RC3H1: variants seen among roughly 807,000 people sequenced by gnomAD.
RC3H1 encodes the protein ring finger and CCCH-type domains 1, also known as roquin-1.
RC3H1 carries 50 observed loss-of-function variants against 138.2 expected under a neutral mutation model. The ratio of observed to expected loss-of-function variants is 0.36; its 90% CI spans 0.29 to 0.46. RC3H1 has a LOEUF of 0.46. Ranked by LOEUF, RC3H1 falls within the 20% of genes least tolerant of loss-of-function variation. The pLI is 1.00. For missense variants in RC3H1, 1,031 were observed against 1,388.1 expected (o/e 0.74, Z 4.09); for synonymous variants, 462 against 489.1 (o/e 0.94, Z 0.73).
intron 13 of RC3H1, among the ~76,000 whole-genome samples, chr1:173,958,640 T>C (rs1050965574): frequency 3.3e-5 from 5 of 151,532 alleles, no homozygotes; most frequent in Admixed American, 6.6e-5. Flanking sequence ...AATATAGAAA[T>C]AGAAAAACGA....
At chr1:173,977,152 C>T (rs895278825) in intron 7 of RC3H1, among the ~76,000 whole-genome samples, 2 of 152,030 alleles carry the variant, frequency 1.3e-5, no homozygotes, top group African/African-American at 4.8e-5. Context: ...TCTCGATCTC[C>T]TGACCTCGTG....
intron 10 of RC3H1, among the ~76,000 whole-genome samples, chr1:173,964,436 C>T (rs1413965893): frequency 6.6e-6 from 1 of 151,982 alleles, no homozygotes; most frequent in African/African-American, 2.4e-5. Flanking sequence ...GGTGCAATCT[C>T]GGCTTACTGC....
intron 13 of RC3H1, among the ~76,000 whole-genome samples, chr1:173,956,451 G>A (rs1659651086): frequency 6.6e-6 from 1 of 151,908 alleles, no homozygotes; most frequent in Non-Finnish European, 1.5e-5. Flanking sequence ...CCTGAGGTCG[G>A]GAGTTTGAGA....
At position 173,964,883 on chromosome 1, in the gene RC3H1, T is replaced by G. The variant is rs754191703; in HGVS notation, c.1572A>C (p.Lys524Asn). The change falls in exon 10 of 20, where the codon AAA becomes AAC. Residue 524 changes from lysine to asparagine, a missense_variant. By Grantham distance (94) the Lys-to-Asn change is moderately conservative (BLOSUM62 0). Transcript: ENST00000367696. ...GAGCACTACTGCTCAGATGATCTAT[T>G]TTTCCTGGTTTCAGACTAGAATCAT... ...PSYDSSLKPG[K>N]IDHLSSSAPG... 1 of 1,614,214 alleles carries G rather than the reference T, an allele frequency of 6.2e-7. No individual in the cohort carries two copies.
intron 1 of RC3H1, among the ~76,000 whole-genome samples, chr1:173,996,183 G>C (rs1333278353): frequency 1.3e-5 from 2 of 152,114 alleles, no homozygotes; most frequent in Admixed American, 6.5e-5. Context: ...GAACCCGGGA[G>C]GGGGAGGTTG....
chr1:173,952,163 C>CAAAAAAAAAAAAAAAAAA (rs74263815), intron 13 of RC3H1, 25 bp from the exon 14 acceptor site: 4 of 948,878 alleles, frequency 4.2e-6, no homozygotes, highest in East Asian at 7.6e-5. Context: ...AGAAAAAAAA[C>CAAAAAAAAAAAAAAAAAA]AAAAAAAAAA....
chr1:173,941,416 T>G (rs755261703), intron 18 of RC3H1, 36 bp from the exon 19 acceptor site: 5 of 1,336,830 alleles, frequency 3.7e-6, no homozygotes, highest in Non-Finnish European at 5.4e-6. Flanking sequence ...AGTTATCATC[T>G]ATTTAATGGT....
At chr1:173,997,836 A>C (rs1345557374) in intron 1 of RC3H1, among the ~76,000 whole-genome samples, 1 of 152,190 alleles carries the variant, frequency 6.6e-6, no homozygotes, top group East Asian at 1.9e-4. Flanking sequence ...AAAAATCACA[A>C]GGCAAAGATT....
chr1:173,991,004 T>C (rs960934940), intron 2 of RC3H1, among the ~76,000 whole-genome samples: 3 of 151,974 alleles, frequency 2.0e-5, no homozygotes, highest in Non-Finnish European at 4.4e-5. Flanking sequence ...TCGAGACAGG[T>C]GGATCACTTG....
intron 2 of RC3H1, among the ~76,000 whole-genome samples, chr1:173,988,957 AG>A (rs1209583669): frequency 6.6e-6 from 1 of 152,224 alleles, no homozygotes; most frequent in Non-Finnish European, 1.5e-5. Flanking sequence ...TATCAGAAAT[AG>A]GATTTTACAA....
intron 2 of RC3H1, among the ~76,000 whole-genome samples, chr1:173,989,018 CTTTG>C (rs1661150024): frequency 2.0e-5 from 3 of 152,216 alleles, no homozygotes; most frequent in East Asian, 3.9e-4. Context: ...TTGTTGGTAT[CTTTG>C]TTTTTTGTTG....
rs1341030556 is a variant in RC3H1, at chr1:173,931,716, C to T, written c.*7005G>A. The T allele has an allele frequency of 6.6e-6, 1 of 152,162 alleles. No individual in the cohort carries two copies. Among genetic ancestry groups the T allele is most frequent in the East Asian group, 1.9e-4 (1 of 5,198 alleles). The allele number at this position is 152,162 out of a possible 1,614,324, so 9.4% of individuals were successfully genotyped here. On this transcript the variant is annotated 3_prime_UTR_variant, in exon 20 of 20. Coordinates refer to ENST00000367696, the MANE Select transcript of RC3H1 (RefSeq NM_172071.4). ...CAAAAGAACTCTCAGGAGATAAGGT[C>T]TTCAAATAAGACTTCACGGTTTGCC...
intron 7 of RC3H1, among the ~76,000 whole-genome samples, chr1:173,974,747 G>A (rs185553715): frequency 8.3e-4 from 126 of 152,274 alleles, no homozygotes; most frequent in Non-Finnish European, 1.4e-3. Context: ...AGGATACTGG[G>A]TTTTACTCTG....
Position 173,938,048 on chromosome 1 carries a change from G to T in RC3H1, c.*673C>A, listed in dbSNP as rs1481169354. 1.3e-5 allele frequency: 2 copies of T among 152,042 alleles called. No individual in the cohort carries two copies. Among genetic ancestry groups the T allele is most frequent in the African/African-American group, 2.4e-5 (1 of 41,388 alleles). 9.4% of individuals were successfully genotyped at this position (152,042 alleles called of 1,614,324 possible). On this transcript the variant is annotated 3_prime_UTR_variant, in exon 20 of 20. Coordinates refer to ENST00000367696, the MANE Select transcript of RC3H1 (RefSeq NM_172071.4). ...TTTGAAAAGTTGAAAATAAAAACAAGAAATAAAACCCTCCCAAACAAACAA... is the reference window on the plus strand; with the variant it reads ...TTTGAAAAGTTGAAAATAAAAACAATAAATAAAACCCTCCCAAACAAACAA...
intron 7 of RC3H1, among the ~76,000 whole-genome samples, chr1:173,973,238 A>G (rs749767292): frequency 1.3e-5 from 2 of 152,214 alleles, no homozygotes; most frequent in African/African-American, 4.8e-5. Flanking sequence ...GTAAACAAAA[A>G]GCTTAAAAAG....
intron 17 of RC3H1, 82 bp from the exon 18 acceptor site, chr1:173,943,697 A>T: frequency 6.7e-6 from 9 of 1,338,224 alleles, no homozygotes; most frequent in Non-Finnish European, 9.0e-6. Flanking sequence ...TCCAGACCAC[A>T]GCCTTGAGTA....
At chr1:174,021,502 TA>T (rs1661959546) in intron 1 of RC3H1, among the ~76,000 whole-genome samples, 1 of 151,888 alleles carries the variant, frequency 6.6e-6, no homozygotes. Context: ...TTTTTTTTTT[TA>T]AAGACACCTG....
intron 9 of RC3H1, among the ~76,000 whole-genome samples, chr1:173,968,450 T>C (rs1660212933): frequency 6.6e-6 from 1 of 152,216 alleles, no homozygotes; most frequent in Non-Finnish European, 1.5e-5. Flanking sequence ...GTTCAATTTA[T>C]ATACACCCTG....
intron 1 of RC3H1, among the ~76,000 whole-genome samples, chr1:173,999,647 A>G (rs115682710): frequency 2.0e-5 from 3 of 152,380 alleles, no homozygotes; most frequent in African/African-American, 7.2e-5. Flanking sequence ...AAAGACGTAG[A>G]ACAGCTTTGT....
Sources: allele counts gnomAD v4.1 joint callset (sites outside exome capture counted in the v4.1 genomes callset), GRCh38; gene constraint gnomAD v4.1.1; transcripts MANE v1.5; gene names NCBI Gene and HGNC (gene_info 2026-07-23, HGNC 2026-07-21).